SLIT3: variants seen among roughly 807,000 people sequenced by gnomAD.
SLIT3 encodes slit guidance ligand 3.
A neutral mutation model predicts 184.0 loss-of-function variants in SLIT3; 68 were observed. The ratio of observed to expected loss-of-function variants is 0.37; its 90% confidence interval spans 0.30 to 0.45. The LOEUF (loss-of-function observed/expected upper bound fraction) is 0.45. Among genes scored for constraint, SLIT3 ranks in the 20% least tolerant of loss-of-function variants. The probability of loss-of-function intolerance (pLI) is 1.00; values close to 1 mark genes in which losing one functional copy is unlikely to be tolerated. For missense variants in SLIT3, 1,707 were observed against 2,026.0 expected (o/e 0.84, Z 3.02); for synonymous variants, 831 against 828.6 (o/e 1.00, Z -0.05).
intron 3 of SLIT3, among the ~76,000 whole-genome samples, chr5:169,224,976 G>A (rs576517946): frequency 5.4e-4 from 82 of 152,238 alleles, no homozygotes; most frequent in African/African-American, 1.6e-3. Flanking sequence ...GAGCCCCCAC[G>A]TTTGGCCCAT....
rs551559690 is a variant in SLIT3 at position 169,150,402 on chromosome 5, G to A, written c.413+43077C>T. On this transcript the variant is annotated intron_variant, in intron 4 of 35. Coordinates refer to ENST00000519560, the MANE Select transcript of SLIT3 (RefSeq NM_003062.4). ...AGCTGTGAGGCTGTGCAGGTTCTCT[G>A]AGACATGCAGAACACTTGGGCCTAA... Among the ~76,000 whole-genome samples the A allele has an allele frequency of 6.6e-5, 10 of 152,232 alleles. No individual in the cohort carries two copies. The South Asian group carries it at 1.9e-3, about 28-fold the overall frequency.
chr5:168,927,534 C>CA (rs760469923), intron 4 of SLIT3, among the ~76,000 whole-genome samples: 2 of 152,112 alleles, frequency 1.3e-5, no homozygotes, highest in Non-Finnish European at 2.9e-5. Flanking sequence ...TTATCACAAT[C>CA]AAAAAAGAGA....
At position 168,663,166 on chromosome 5, in the gene SLIT3, C is replaced by G. The variant is rs1220709160; in HGVS notation, c.*3288G>C. On this transcript the variant is annotated 3_prime_UTR_variant, in exon 36 of 36. Coordinates refer to ENST00000519560, the MANE Select transcript of SLIT3 (RefSeq NM_003062.4). Reference sequence around the variant, plus strand: ...CAGCCTGGTGACTCCTCCCAGGAAGCCAGTGACCCTCGGTGGGGCTCTTGA... The same window carrying G: ...CAGCCTGGTGACTCCTCCCAGGAAGGCAGTGACCCTCGGTGGGGCTCTTGA... The G allele has an allele frequency of 2.0e-5, 3 of 152,148 alleles. No homozygotes were observed. The highest frequency in any genetic ancestry group is 4.4e-5 in the Non-Finnish European group (3 of 68,116). 9.4% of individuals were successfully genotyped at this position (152,148 alleles called of 1,614,324 possible). A position where few individuals can be genotyped will look rare whatever the true frequency, so the allele number is the denominator to read the frequency against.
chr5:169,174,200 G>A (rs1003852833), intron 4 of SLIT3, among the ~76,000 whole-genome samples: 2 of 152,176 alleles, frequency 1.3e-5, no homozygotes, highest in Non-Finnish European at 2.9e-5. Context: ...TCAAGGCTCT[G>A]CACTGCCAAT....
At chr5:169,067,582 T>G (rs1473614229) in intron 4 of SLIT3, among the ~76,000 whole-genome samples, 1 of 152,230 alleles carries the variant, frequency 6.6e-6, no homozygotes, top group Non-Finnish European at 1.5e-5. Context: ...AGCCTCTGAA[T>G]GAGCCTTTTG....
chr5:168,731,349 G>T (rs1427044858), intron 20 of SLIT3, among the ~76,000 whole-genome samples: 2 of 151,840 alleles, frequency 1.3e-5, no homozygotes, highest in Admixed American at 1.3e-4. Flanking sequence ...ATCCAAAGAT[G>T]AATTCATAGC....
rs72839508 is a variant in SLIT3 at position 168,685,702 on chromosome 5, G to A, written c.3540C>T (p.Ala1180=). The change falls in exon 31 of 36, where the codon GCC becomes GCT. Residue 1180 remains alanine (A), a synonymous_variant. Transcript: ENST00000519560. ...CGGGACACACCTGCAGGGAGATGTT[G>A]GCCTGGGGTCGGACCTTGGCGGAGG... The part of the protein sequence containing the change: ...ELASAKVRPQ[A]NISLQVATDK... The A allele has an allele frequency of 2.9e-3, 4,476 of 1,561,158 alleles. 9 individuals are homozygous for A. Among genetic ancestry groups the A allele is most frequent in the Non-Finnish European group, 3.6e-3 (4,085 of 1,149,014 alleles).
At chr5:168,849,374 C>T (rs1210000923) in intron 5 of SLIT3, among the ~76,000 whole-genome samples, 2 of 152,210 alleles carry the variant, frequency 1.3e-5, no homozygotes, top group Non-Finnish European at 2.9e-5. Context: ...CCTCCTCATG[C>T]TAAATGGGAG....
intron 3 of SLIT3, among the ~76,000 whole-genome samples, chr5:169,207,045 CTT>C (rs560234312): frequency 7.1e-6 from 1 of 140,814 alleles, no homozygotes. Context: ...TTTCCTTATT[CTT>C]TTTTTTTTTT....
chr5:168,899,410 A>T (rs1182320640), intron 4 of SLIT3, among the ~76,000 whole-genome samples: 3 of 152,132 alleles, frequency 2.0e-5, no homozygotes, highest in Non-Finnish European at 4.4e-5. Flanking sequence ...GCTACTTGGG[A>T]GGCTGAAGCA....
At chr5:169,066,740 T>G (rs544056471) in intron 4 of SLIT3, among the ~76,000 whole-genome samples, 1 of 152,266 alleles carries the variant, frequency 6.6e-6, no homozygotes, top group African/African-American at 2.4e-5. Context: ...AAAAGGATAT[T>G]AATTGAAATG....
intron 32 of SLIT3, among the ~76,000 whole-genome samples, chr5:168,682,272 C>T (rs926588898): frequency 6.6e-6 from 1 of 152,238 alleles, no homozygotes; most frequent in African/African-American, 2.4e-5. Flanking sequence ...TTGCTGACCT[C>T]CCAGCATGCC....
rs575966535 is a variant in SLIT3, at chr5:168,701,763, G to A, written c.2845-1084C>T. Among the ~76,000 whole-genome samples the A allele has an allele frequency of 1.2e-4, 18 of 152,352 alleles. No individual in the cohort carries two copies. In the East Asian group the frequency reaches 3.1e-3, roughly 26 times the overall value. Reference sequence around the variant, plus strand: ...GACTGCTGCATCCTTTCTGGGCCCTGGGCTCAGTGGCTTGGCACAGACCTG... The same window carrying A: ...GACTGCTGCATCCTTTCTGGGCCCTAGGCTCAGTGGCTTGGCACAGACCTG... On this transcript the variant is annotated intron_variant, in intron 26 of 35. Transcript: ENST00000519560.
chr5:169,143,102 A>T (rs1761799965), intron 4 of SLIT3, among the ~76,000 whole-genome samples: 1 of 152,192 alleles, frequency 6.6e-6, no homozygotes, highest in African/African-American at 2.4e-5. Flanking sequence ...CTGCCACTTT[A>T]ACCCAAATAA....
intron 4 of SLIT3, among the ~76,000 whole-genome samples, chr5:169,111,853 A>G (rs948875674): frequency 2.6e-5 from 4 of 152,172 alleles, no homozygotes; most frequent in African/African-American, 9.7e-5. Flanking sequence ...GGTCTAGGGG[A>G]CGGTGATGCA....
At chr5:169,229,834 T>A (rs1415762939) in intron 3 of SLIT3, among the ~76,000 whole-genome samples, 1 of 152,094 alleles carries the variant, frequency 6.6e-6, no homozygotes, top group Admixed American at 6.5e-5. Flanking sequence ...TGCATTTAAC[T>A]TGTAAGTGAA....
chr5:168,814,497 G>A (rs148162612), intron 8 of SLIT3, among the ~76,000 whole-genome samples: 9 of 152,240 alleles, frequency 5.9e-5, no homozygotes, highest in African/African-American at 2.2e-4. Context: ...CAGGCATTGG[G>A]GCAGGACTGG....
At chr5:169,076,548 A>G (rs1002170359) in intron 4 of SLIT3, among the ~76,000 whole-genome samples, 1 of 152,114 alleles carries the variant, frequency 6.6e-6, no homozygotes, top group African/African-American at 2.4e-5. Flanking sequence ...TTCTTTTTAT[A>G]GAACAGGAAA....
At chr5:169,237,261 A>T (rs1222691395) in intron 3 of SLIT3, among the ~76,000 whole-genome samples, 1 of 152,156 alleles carries the variant, frequency 6.6e-6, no homozygotes, top group Non-Finnish European at 1.5e-5. Flanking sequence ...ATTTGCACGC[A>T]TTATAGTTCA....
Sources: gnomAD v4.1 joint callset for allele counts (sites outside exome capture counted in the v4.1 genomes callset) on GRCh38, gnomAD v4.1.1 for gene constraint, MANE v1.5 for transcripts, NCBI Gene and HGNC (gene_info 2026-07-23, HGNC 2026-07-21) for gene names.